Variants in WDPCP observed in about 807,000 individuals in gnomAD.
The protein encoded by WDPCP is WD repeat containing planar cell polarity effector.
Under a neutral mutation model 93.1 loss-of-function variants are expected in WDPCP, and 71 were observed. That is an observed-to-expected ratio of 0.76 (90% confidence interval 0.63 to 0.93). The LOEUF (loss-of-function observed/expected upper bound fraction) is 0.93, where lower values mean the gene tolerates loss of function less well. WDPCP is among the 40% of genes least tolerant of loss of function. The pLI is 0.00. For synonymous variants in WDPCP, 315 were observed against 315.0 expected, an observed-to-expected ratio of 1.00 and a Z score of 0.00; for missense variants, 844 against 887.4, an observed-to-expected ratio of 0.95 and a Z score of 0.62.
chr2:63,525,755 G>A (rs1703291237), intron 1 of WDPCP, among the ~76,000 whole-genome samples: 1 of 152,210 alleles, frequency 6.6e-6, no homozygotes, highest in Non-Finnish European at 1.5e-5. Context: ...ACATTAAGAT[G>A]TGTGGGCCAA....
Position 63,447,419 on chromosome 2 carries a change from C to T in WDPCP, c.385-7548G>A, listed in dbSNP as rs1231223492. Among the ~76,000 whole-genome samples the T allele has an allele frequency of 2.0e-5, 3 of 152,094 alleles. No individual in the cohort carries two copies. The East Asian group carries it at 5.8e-4, about 29-fold the overall frequency. ...ATAAAAATTTTCAAAAAAGGGAACG[C>T]TTAAAATATCTGGCCACAAATATAC... is the stretch of plus-strand genomic sequence containing the variant. On this transcript the variant is annotated intron_variant, in intron 6 of 17. Transcript: ENST00000272321.
intron 13 of WDPCP, among the ~76,000 whole-genome samples, chr2:63,290,736 T>C (rs1268870241): frequency 1.3e-5 from 2 of 152,208 alleles, no homozygotes; most frequent in Admixed American, 1.3e-4. Flanking sequence ...TGCTGTTCCA[T>C]TATCTTTTGG....
intron 12 of WDPCP, among the ~76,000 whole-genome samples, chr2:63,329,714 G>T (rs2421882): frequency 0.55 from 83,691 of 151,804 alleles, 23,377 homozygotes; most frequent in Admixed American, 0.63. Context: ...GAATTTTTTT[G>T]GTACCCTTTG....
intron 14 of WDPCP, among the ~76,000 whole-genome samples, chr2:63,240,728 CA>C (rs1172625505): frequency 6.6e-6 from 1 of 152,098 alleles, no homozygotes; most frequent in Non-Finnish European, 1.5e-5. Flanking sequence ...CCCAGATTGG[CA>C]TAATTTGCTA....
chr2:63,838,422 T>C, the WDPCP span, among the ~76,000 whole-genome samples: 7 of 152,202 alleles, frequency 4.6e-5, no homozygotes, highest in African/African-American at 1.2e-4. Context: ...GAAGAAATTA[T>C]AGGCAGAATT....
intron 1 of WDPCP, among the ~76,000 whole-genome samples, chr2:63,824,215 G>C (rs1291907880): frequency 2.0e-5 from 3 of 151,890 alleles, no homozygotes. Flanking sequence ...TCTTTCTCCT[G>C]CCACCATGTA....
chr2:63,836,161 C>T, the WDPCP span, among the ~76,000 whole-genome samples: 1 of 152,304 alleles, frequency 6.6e-6, no homozygotes, highest in South Asian at 2.1e-4. Context: ...AGCTGAGAAT[C>T]TTCTCTTTAA....
At chr2:63,205,438 T>C (rs116427596) in intron 14 of WDPCP, among the ~76,000 whole-genome samples, 7,069 of 152,338 alleles carry the variant, frequency 0.046, 239 homozygotes, top group Middle Eastern at 0.092. Context: ...TTTATCAATA[T>C]TGATTCTTCC....
chr2:63,368,111 C>T (rs1047157904), intron 12 of WDPCP, among the ~76,000 whole-genome samples: 19 of 151,994 alleles, frequency 1.3e-4, no homozygotes, highest in African/African-American at 4.3e-4. Flanking sequence ...AAGCTGAATA[C>T]TTTTTTAGTT....
chr2:63,609,829 G>A (rs1459250519), intron 3 of WDPCP, among the ~76,000 whole-genome samples: 2 of 152,180 alleles, frequency 1.3e-5, no homozygotes. Context: ...CCATGATCAT[G>A]CCACTGCACT....
chr2:63,694,022 T>C (rs1668927759), intron 2 of WDPCP, among the ~76,000 whole-genome samples: 1 of 152,228 alleles, frequency 6.6e-6, no homozygotes, highest in Non-Finnish European at 1.5e-5. Flanking sequence ...AATTTGTCTG[T>C]GTATATTTTT....
intron 2 of WDPCP, among the ~76,000 whole-genome samples, chr2:63,733,182 GAT>G: frequency 7.7e-6 from 1 of 129,390 alleles, no homozygotes; most frequent in Admixed American, 7.9e-5. Context: ...ACAAATAAAT[GAT>G]TTTTTTTTTT....
At chr2:63,403,973 A>G in intron 10 of WDPCP, 75 bp downstream of exon 10, 1 of 1,586,732 alleles carries the variant, frequency 6.3e-7, no homozygotes, top group Non-Finnish European at 8.6e-7. Flanking sequence ...ACATTCTAAG[A>G]ATAGTTTTAT....
At chr2:63,804,145 G>A (rs947942297) in intron 2 of WDPCP, among the ~76,000 whole-genome samples, 4 of 151,956 alleles carry the variant, frequency 2.6e-5, no homozygotes, top group African/African-American at 9.7e-5. Flanking sequence ...CTAGAGCAGG[G>A]GTGGCATCAC....
At chr2:63,296,223 A>G (rs1353648431) in intron 13 of WDPCP, among the ~76,000 whole-genome samples, 8 of 151,538 alleles carry the variant, frequency 5.3e-5, no homozygotes, top group African/African-American at 1.9e-4. Context: ...AAAAAAAAAA[A>G]GCATTTGATA....
chr2:63,488,914 G>A (rs986236789), intron 2 of WDPCP, among the ~76,000 whole-genome samples: 1 of 151,884 alleles, frequency 6.6e-6, no homozygotes, highest in Non-Finnish European at 1.5e-5. Flanking sequence ...AATAAGGAGA[G>A]CATCCAGTTA....
intron 14 of WDPCP, among the ~76,000 whole-genome samples, chr2:63,224,663 A>G (rs566731933): frequency 9.9e-5 from 15 of 152,152 alleles, no homozygotes; most frequent in Non-Finnish European, 2.1e-4. Context: ...GATTCCAACT[A>G]TGTGACATTC....
At chr2:63,720,582 A>AT in intron 2 of WDPCP, among the ~76,000 whole-genome samples, 2 of 151,872 alleles carry the variant, frequency 1.3e-5, no homozygotes, top group Non-Finnish European at 2.9e-5. Context: ...CTCCCCATTG[A>AT]TTTTTTTTCC....
intron 2 of WDPCP, among the ~76,000 whole-genome samples, chr2:63,679,719 T>A (rs555918616): frequency 6.6e-6 from 1 of 152,228 alleles, no homozygotes; most frequent in East Asian, 1.9e-4. Flanking sequence ...TTCTTGCTGA[T>A]CCCAGATATG....
Sources: allele counts gnomAD v4.1 joint callset (sites outside exome capture counted in the v4.1 genomes callset), GRCh38; gene constraint gnomAD v4.1.1; transcripts MANE v1.5; gene names NCBI Gene and HGNC (gene_info 2026-07-23, HGNC 2026-07-21).